Variants in ANK2 observed in about 807,000 individuals in gnomAD.
The protein encoded by ANK2 is ankyrin-2.
Under a neutral mutation model 360.5 loss-of-function variants are expected in ANK2, and 83 were observed. That is an observed-to-expected ratio of 0.23 (90% CI 0.19 to 0.28). ANK2 has a LOEUF of 0.28. Among genes scored for constraint, ANK2 ranks in the 10% least tolerant of loss-of-function variants. ANK2 has a pLI of 1.00. For synonymous variants in ANK2, 1,740 were observed against 1,759.5 expected, an observed-to-expected ratio of 0.99 and a Z score of 0.28; for missense variants, 4,201 against 4,795.7, an observed-to-expected ratio of 0.88 and a Z score of 3.66.
the ANK2 span, among the ~76,000 whole-genome samples, chr4:112,784,941 T>C: frequency 6.6e-6 from 1 of 152,242 alleles, no homozygotes; most frequent in South Asian, 2.1e-4. Context: ...AAGCCAACAG[T>C]ACTTTGTGGT....
chr4:113,363,419 G>A lies in ANK2; in HGVS notation c.10838G>A (p.Ser3613Asn). 3.7e-6 allele frequency: 6 copies of A among 1,613,588 alleles called. No individual in the cohort carries two copies. Among genetic ancestry groups the A allele is most frequent in the Non-Finnish European group, 5.1e-6 (6 of 1,179,672 alleles). The change falls in exon 40 of 46, where the codon AGT (serine) becomes AAT (asparagine). Residue 3613 changes from serine (S) to asparagine (N), a missense_variant. This residue lies in a region of ANK2 where 2,642 missense variants were observed against 2,714.5 expected (regional missense o/e 0.97). Coordinates refer to ENST00000357077, the MANE Select transcript of ANK2 (RefSeq NM_001148.6). ...IENPNSLQDQSHALLKYWLER... is the reference protein window; with the variant it reads ...IENPNSLQDQNHALLKYWLER... The stretch of plus-strand genomic sequence containing the variant: ...AATCCCAACTCTCTTCAAGACCAGA[G>A]TCATGCACTGTTGAAGTACTGGCTA...
At chr4:113,284,688 T>C (rs538334039) in intron 18 of ANK2, among the ~76,000 whole-genome samples, 1 of 152,324 alleles carries the variant, frequency 6.6e-6, no homozygotes, top group African/African-American at 2.4e-5. Context: ...ATTTCAGTAT[T>C]ACATGTGAGT....
At position 113,337,093 on chromosome 4, in the gene ANK2, C is replaced by CCAAA. The variant is rs562593989; in HGVS notation, c.3796+312_3796+313insCAAA. Among the ~76,000 whole-genome samples, 766 of 152,276 alleles carry CCAAA rather than the reference C, an allele frequency of 5.0e-3. 2 individuals carry two copies. The highest frequency in any genetic ancestry group is 8.0e-3 in the Non-Finnish European group (541 of 68,008). ...GTTGAAAGAAGTTCTATAACTTGCACTATAAATATTTGGTGGTGTTGGGAT... is the reference window on the plus strand; with the variant it reads ...GTTGAAAGAAGTTCTATAACTTGCACCAAATATAAATATTTGGTGGTGTTGGGAT... On this transcript the variant is annotated intron_variant, in intron 31 of 45. Coordinates refer to ENST00000357077, the MANE Select transcript of ANK2 (RefSeq NM_001148.6).
intron 4 of ANK2, among the ~76,000 whole-genome samples, chr4:113,228,274 G>A (rs1032346640): frequency 6.6e-6 from 1 of 151,976 alleles, no homozygotes; most frequent in South Asian, 2.1e-4. Context: ...TAAGATTCTG[G>A]TGCACCCATC....
chr4:112,777,016 G>A, the ANK2 span, among the ~76,000 whole-genome samples: 1 of 151,980 alleles, frequency 6.6e-6, no homozygotes, highest in Non-Finnish European at 1.5e-5. Context: ...AAATTGAAAG[G>A]ATTTTAATTT....
At chr4:113,325,094 A>C (rs1057219074) in intron 26 of ANK2, among the ~76,000 whole-genome samples, 1 of 152,180 alleles carries the variant, frequency 6.6e-6, no homozygotes, top group South Asian at 2.1e-4. Flanking sequence ...AAACTTCAAC[A>C]AGAGTTTCTA....
chr4:112,965,627 C>T (rs1469243852), intron 2 of ANK2, among the ~76,000 whole-genome samples: 1 of 152,130 alleles, frequency 6.6e-6, no homozygotes, highest in East Asian at 1.9e-4. Context: ...CTTTAATCTA[C>T]TTTGAATTGA....
intron 1 of ANK2, among the ~76,000 whole-genome samples, chr4:113,168,179 ATAC>A (rs1285950564): frequency 6.6e-6 from 1 of 152,214 alleles, no homozygotes; most frequent in African/African-American, 2.4e-5. Flanking sequence ...TTAAAATGTA[ATAC>A]TAAGTTAAAG....
intron 1 of ANK2, among the ~76,000 whole-genome samples, chr4:112,865,835 T>A (rs1241456284): frequency 6.6e-6 from 1 of 152,228 alleles, no homozygotes; most frequent in Non-Finnish European, 1.5e-5. Context: ...TTGGTAAGGA[T>A]GGTCTACTAG....
chr4:113,131,014 CT>C (rs2095992171), intron 1 of ANK2, among the ~76,000 whole-genome samples: 1 of 152,138 alleles, frequency 6.6e-6, no homozygotes, highest in South Asian at 2.1e-4. Context: ...ATATTTTTGT[CT>C]TCCCTTGTAC....
rs573407920 is a variant in ANK2 at position 112,842,953 on chromosome 4, T to G, written c.-40+24689T>G. Among the ~76,000 whole-genome samples, 5 of 152,366 alleles carry G rather than the reference T, an allele frequency of 3.3e-5. No individual in the cohort carries two copies. In the South Asian group the frequency reaches 1.0e-3, roughly 32 times the overall value. Reference sequence around the variant, plus strand: ...AAGGCTCTAGGGAGAATCTGTTTTCTTTCCTTTTCCTCTAGTTGCCTGGGG... The same window carrying G: ...AAGGCTCTAGGGAGAATCTGTTTTCGTTCCTTTTCCTCTAGTTGCCTGGGG... On this transcript the variant is annotated intron_variant, in intron 1 of 30. Coordinates refer to the ANK2 transcript ENST00000503271.
In ANK2 at chr4:113,008,836, G is replaced by A. The variant is rs547535703; in HGVS notation, c.21+104322G>A. Among the ~76,000 whole-genome samples, 5 of 152,220 alleles carry A rather than the reference G, an allele frequency of 3.3e-5. No homozygotes were observed. In the South Asian group the frequency reaches 1.0e-3, roughly 32 times the overall value. On this transcript the variant is annotated intron_variant, in intron 2 of 30. Coordinates refer to the ANK2 transcript ENST00000503271. ...TTCTGTGTCTAGGTGGTGGATAGGA[G>A]CAGTCCAGTCCAGCTGTCCCACAGA...
intron 1 of ANK2, chr4:112,880,223 A>G (rs2076339374): frequency 1.3e-5 from 2 of 152,356 alleles, no homozygotes; most frequent in African/African-American, 2.4e-5. Flanking sequence ...TTTATGCTTA[A>G]AAGTTTCCTC....
the ANK2 span, among the ~76,000 whole-genome samples, chr4:112,712,564 T>A: frequency 3.3e-5 from 5 of 151,552 alleles, no homozygotes; most frequent in Non-Finnish European, 7.4e-5. Context: ...CCTGCCACCA[T>A]GCCCAGCTAA....
At chr4:113,336,985 T>C (rs577208938) in intron 31 of ANK2, among the ~76,000 whole-genome samples, 2 of 152,236 alleles carry the variant, frequency 1.3e-5, no homozygotes, top group Admixed American at 1.3e-4. Context: ...AACTGTTAGA[T>C]AGTTTATATG....
chr4:113,021,539 A>T (rs10011700), intron 2 of ANK2, among the ~76,000 whole-genome samples: 1 of 108,676 alleles, frequency 9.2e-6, no homozygotes, highest in African/African-American at 3.7e-5. Flanking sequence ...CCCACACACA[A>T]ACATATATAT....
At chr4:113,233,104 CTGTT>C (rs2099330912) in intron 5 of ANK2, among the ~76,000 whole-genome samples, 1 of 29,296 alleles carries the variant, frequency 3.4e-5, no homozygotes, top group African/African-American at 1.4e-4. Context: ...CTTGGCTTTT[CTGTT>C]TTTTTTTTTT....
Position 113,359,092 on chromosome 4 carries a change from C to T in ANK2, c.10474C>T (p.Leu3492=), listed in dbSNP as rs1260440900. The change falls in exon 38 of 46, where the codon CTG becomes TTG. Residue 3492 remains leucine (L), a synonymous_variant. Coordinates refer to ENST00000357077, the MANE Select transcript of ANK2 (RefSeq NM_001148.6). Reference sequence around the variant, plus strand: ...TGAGGCTTCCAAATTAGTGGATAGGCTGACACAGTCAGAGAGGGAGCAGGA... The same window carrying T: ...TGAGGCTTCCAAATTAGTGGATAGGTTGACACAGTCAGAGAGGGAGCAGGA... ...SDEASKLVDR[L]TQSEREQEIV... 1.2e-6 allele frequency: 2 copies of T among 1,613,872 alleles called. No homozygotes were observed. The highest frequency in any genetic ancestry group is 1.7e-6 in the Non-Finnish European group (2 of 1,179,932).
At chr4:112,803,352 A>G in the ANK2 span, among the ~76,000 whole-genome samples, 33 of 152,302 alleles carry the variant, frequency 2.2e-4, no homozygotes, top group South Asian at 4.1e-3. Flanking sequence ...AGCCTACTTT[A>G]TAAGCGATAG....
Sources: allele counts gnomAD v4.1 joint callset (sites outside exome capture counted in the v4.1 genomes callset), GRCh38; gene constraint gnomAD v4.1.1; regional missense constraint gnomAD v4.1.1; transcripts MANE v1.5; gene names NCBI Gene and HGNC (gene_info 2026-07-23, HGNC 2026-07-21).